The following CYB5R4 variants were observed in gnomAD, a reference collection of about 807,000 sequenced individuals.
CYB5R4 encodes the protein N-terminal cytochrome b5 and cytochrome b5 oxidoreductase domain-containing protein.
Under a neutral mutation model 70.2 loss-of-function variants are expected in CYB5R4, and 55 were observed. The observed-to-expected ratio is 0.78, with a 90% CI of 0.63 to 0.98. The LOEUF (loss-of-function observed/expected upper bound fraction) is 0.98, where lower values mean the gene tolerates loss of function less well. Ranked by LOEUF, CYB5R4 falls within the 50% of genes least tolerant of loss-of-function variation. CYB5R4 has a pLI of 0.00. For synonymous variants in CYB5R4, 197 were observed against 199.5 expected (o/e 0.99, Z 0.11); for missense variants, 562 against 612.6 (o/e 0.92, Z 0.87).
chr6:83,903,893 T>C, intron 3 of CYB5R4, among the ~76,000 whole-genome samples: 1 of 152,118 alleles, frequency 6.6e-6, no homozygotes. Context: ...TTGTGTTGTC[T>C]CCTTTTCATT....
At chr6:83,889,390 C>A (rs1252623839) in intron 2 of CYB5R4, among the ~76,000 whole-genome samples, 1 of 152,154 alleles carries the variant, frequency 6.6e-6, no homozygotes, top group Non-Finnish European at 1.5e-5. Flanking sequence ...GACTTGAAGT[C>A]AGTGTCCATT....
rs545127119 is a variant in CYB5R4, at chr6:83,888,870, G to A, written c.230-4652G>A. Among the ~76,000 whole-genome samples the A allele has an allele frequency of 1.5e-4, 23 of 152,288 alleles. No individual in the cohort carries two copies. The South Asian group carries it at 4.4e-3, about 29-fold the overall frequency. On this transcript the variant is annotated intron_variant, in intron 2 of 15. Coordinates refer to ENST00000369681, the MANE Select transcript of CYB5R4 (RefSeq NM_016230.4). Reference sequence around the variant, plus strand: ...GAATGCAAAGGAAAAGTTATTGAAGGAAATTAAAAGTGCTATCCCAGTAAG... The same window carrying A: ...GAATGCAAAGGAAAAGTTATTGAAGAAAATTAAAAGTGCTATCCCAGTAAG...
chr6:83,870,208 T>G (rs1419540302), intron 2 of CYB5R4, among the ~76,000 whole-genome samples: 3 of 152,230 alleles, frequency 2.0e-5, no homozygotes, highest in Non-Finnish European at 4.4e-5. Flanking sequence ...TATTCGCTAA[T>G]TCAGTGTTTG....
At chr6:83,955,954 A>T (rs570399685) in intron 15 of CYB5R4, among the ~76,000 whole-genome samples, 1 of 152,218 alleles carries the variant, frequency 6.6e-6, no homozygotes, top group Non-Finnish European at 1.5e-5. Flanking sequence ...TGAAGCATGG[A>T]TCATGAAAAA....
At chr6:83,874,804 G>A (rs566487221) in intron 2 of CYB5R4, among the ~76,000 whole-genome samples, 1 of 151,072 alleles carries the variant, frequency 6.6e-6, no homozygotes, top group African/African-American at 2.4e-5. Flanking sequence ...TTATATTTTT[G>A]TCTTTATTCT....
intron 15 of CYB5R4, among the ~76,000 whole-genome samples, chr6:83,956,903 T>TAA (rs34874459): frequency 1.1e-4 from 14 of 127,774 alleles, no homozygotes; most frequent in African/African-American, 2.3e-4. Flanking sequence ...TTGGGCAAGA[T>TAA]AAAAAAAAAA....
chr6:83,940,251 T>C, intron 13 of CYB5R4, 45 bp downstream of exon 13: 1 of 1,542,560 alleles, frequency 6.5e-7, no homozygotes, highest in Non-Finnish European at 8.8e-7. Flanking sequence ...GAGGCTGTTA[T>C]ATTAGTATAA....
intron 3 of CYB5R4, among the ~76,000 whole-genome samples, chr6:83,894,905 G>A (rs1287849131): frequency 1.3e-5 from 2 of 152,094 alleles, no homozygotes; most frequent in Non-Finnish European, 2.9e-5. Flanking sequence ...AGTGTCAAAG[G>A]TAGAAGTAAA....
intron 3 of CYB5R4, among the ~76,000 whole-genome samples, chr6:83,894,733 TAAAGA>T (rs998975009): frequency 8.5e-5 from 13 of 152,086 alleles, no homozygotes; most frequent in African/African-American, 3.1e-4. Context: ...TAAAGTAAGC[TAAAGA>T]AAAGAAAATG....
chr6:83,904,939 T>C (rs1372340784), intron 3 of CYB5R4, among the ~76,000 whole-genome samples: 1 of 152,242 alleles, frequency 6.6e-6, no homozygotes, highest in Non-Finnish European at 1.5e-5. Context: ...TGTGTTCCTT[T>C]GGAAGTGTCA....
At chr6:83,943,652 G>C (rs2099470109) in intron 14 of CYB5R4, among the ~76,000 whole-genome samples, 1 of 151,982 alleles carries the variant, frequency 6.6e-6, no homozygotes, top group African/African-American at 2.4e-5. Flanking sequence ...CAGAAGGTGG[G>C]TAATAACAAA....
intron 1 of CYB5R4, among the ~76,000 whole-genome samples, chr6:83,862,596 A>C (rs2099456131): frequency 6.6e-6 from 1 of 152,220 alleles, no homozygotes; most frequent in Non-Finnish European, 1.5e-5. Flanking sequence ...GAAAGGAGCA[A>C]AAGTTAGAAC....
intron 3 of CYB5R4, among the ~76,000 whole-genome samples, chr6:83,906,208 G>T (rs559161343): frequency 6.6e-6 from 1 of 152,198 alleles, no homozygotes; most frequent in African/African-American, 2.4e-5. Context: ...CGTACCAGCT[G>T]TTCTTCAGCC....
chr6:83,936,420 T>C, intron 12 of CYB5R4, 44 bp downstream of exon 12: 1 of 1,535,098 alleles, frequency 6.5e-7, no homozygotes, highest in Non-Finnish European at 9.0e-7. Context: ...TGCTCTAGAT[T>C]GGATCACATT....
chr6:83,899,870 G>A (rs547669618), intron 3 of CYB5R4, among the ~76,000 whole-genome samples: 18 of 152,080 alleles, frequency 1.2e-4, no homozygotes, highest in South Asian at 8.3e-4. Flanking sequence ...TTCTTTAGTA[G>A]TCTTGCTAGG....
intron 10 of CYB5R4, among the ~76,000 whole-genome samples, chr6:83,931,828 T>C (rs1233454258): frequency 5.9e-5 from 9 of 151,382 alleles, no homozygotes; most frequent in Non-Finnish European, 1.3e-4. Flanking sequence ...TACTTTAAGT[T>C]CTAGGGTACA....
intron 10 of CYB5R4, among the ~76,000 whole-genome samples, chr6:83,932,132 C>G (rs1015690384): frequency 3.9e-5 from 6 of 152,134 alleles, no homozygotes; most frequent in African/African-American, 1.4e-4. Context: ...CAGTTCCCAT[C>G]TGTCTGTGCT....
At chr6:83,923,319 A>G (rs577081841) in intron 9 of CYB5R4, among the ~76,000 whole-genome samples, 1 of 152,238 alleles carries the variant, frequency 6.6e-6, no homozygotes, top group South Asian at 2.1e-4. Context: ...CACTGGTCCA[A>G]TGTTTCCTCT....
At chr6:83,886,504 A>C (rs1165953339) in intron 2 of CYB5R4, among the ~76,000 whole-genome samples, 4 of 152,240 alleles carry the variant, frequency 2.6e-5, no homozygotes, top group Non-Finnish European at 5.9e-5. Context: ...TGAAGGCACT[A>C]TACTACCTGA....
Sources: allele counts gnomAD v4.1 joint callset (sites outside exome capture counted in the v4.1 genomes callset), GRCh38; gene constraint gnomAD v4.1.1; transcripts MANE v1.5; gene names NCBI Gene and HGNC (gene_info 2026-07-23, HGNC 2026-07-21).